HGSNAT: variants seen among roughly 807,000 people sequenced by gnomAD.
The protein encoded by HGSNAT is transmembrane protein 76.
In HGSNAT, 59 loss-of-function variants were observed where a neutral mutation model predicts 85.2. The ratio of observed to expected loss-of-function variants is 0.69; its 90% CI spans 0.56 to 0.86. The LOEUF is 0.86. Among genes scored for constraint, HGSNAT ranks in the 40% least tolerant of loss-of-function variants. The pLI, the probability that HGSNAT is intolerant of heterozygous loss-of-function variation, is 0.00. For synonymous variants in HGSNAT, 321 were observed against 304.5 expected (o/e 1.05, Z -0.56); for missense variants, 756 against 777.1 (o/e 0.97, Z 0.32).
At chr8:43,175,856 C>G (rs542996737) in intron 9 of HGSNAT, among the ~76,000 whole-genome samples, 1 of 151,934 alleles carries the variant, frequency 6.6e-6, no homozygotes, top group Non-Finnish European at 1.5e-5. Flanking sequence ...CGTGAGCCAC[C>G]GAGCCCGGCC....
intron 16 of HGSNAT, 39 bp downstream of exon 16, chr8:43,197,781 C>G (rs1466928650): frequency 3.1e-6 from 5 of 1,598,298 alleles, no homozygotes; most frequent in Admixed American, 3.3e-5. Flanking sequence ...GATGACTGTT[C>G]ATGCTGAAAT....
At chr8:43,189,658 T>G (rs1023537697) in intron 11 of HGSNAT, among the ~76,000 whole-genome samples, 7 of 152,176 alleles carry the variant, frequency 4.6e-5, no homozygotes, top group African/African-American at 1.7e-4. Flanking sequence ...GGTACCTCAG[T>G]TGGAAATGCA....
At chr8:43,172,223 C>T in intron 7 of HGSNAT, 87 bp from the exon 8 acceptor site, 1 of 901,232 alleles carries the variant, frequency 1.1e-6, no homozygotes, top group Non-Finnish European at 1.9e-6. Flanking sequence ...CATGATTGCA[C>T]CTTGTGAGTA....
At chr8:43,182,387 C>A in intron 11 of HGSNAT, 127 bp downstream of exon 11, 1 of 809,996 alleles carries the variant, frequency 1.2e-6, no homozygotes, top group Non-Finnish European at 2.1e-6. Context: ...ATCCTCCTGC[C>A]TTGGCCACCC....
intron 13 of HGSNAT, 24 bp downstream of exon 13, chr8:43,192,454 A>T (rs777381711): frequency 2.5e-6 from 4 of 1,590,494 alleles, no homozygotes. Context: ...GAGTTCGCTT[A>T]GAACTGGAAC....
At chr8:43,168,272 TATTTGA>T (rs1803498364) in intron 5 of HGSNAT, among the ~76,000 whole-genome samples, 1 of 152,060 alleles carries the variant, frequency 6.6e-6, no homozygotes, top group Admixed American at 6.6e-5. Flanking sequence ...GTACATTAAC[TATTTGA>T]ATCACCCCAA....
At chr8:43,196,867 G>A (rs1249011153) in intron 14 of HGSNAT, 81 bp from the exon 15 acceptor site, 3 of 858,810 alleles carry the variant, frequency 3.5e-6, no homozygotes, top group Non-Finnish European at 5.8e-6. Flanking sequence ...CTCTTTGTCA[G>A]GTAGTTAAGA....
At chr8:43,192,161 C>T in intron 12 of HGSNAT, 143 bp from the exon 13 acceptor site, 1 of 830,060 alleles carries the variant, frequency 1.2e-6, no homozygotes, top group Non-Finnish European at 1.8e-6. Flanking sequence ...TTCCTGACCT[C>T]AGGTGATCTG....
At chr8:43,192,259 C>A (rs765377402) in intron 12 of HGSNAT, 45 bp from the exon 13 acceptor site, 1 of 1,574,222 alleles carries the variant, frequency 6.4e-7, no homozygotes, top group South Asian at 1.2e-5. Flanking sequence ...CCTCTGTTCG[C>A]CCTTATGAGG....
chr8:43,188,143 G>A (rs1804387601), intron 11 of HGSNAT, among the ~76,000 whole-genome samples: 5 of 152,154 alleles, frequency 3.3e-5, no homozygotes, highest in Admixed American at 3.3e-4. Flanking sequence ...TTCTTGAGGA[G>A]TATCTTTGTG....
intron 8 of HGSNAT, among the ~76,000 whole-genome samples, chr8:43,172,869 A>G (rs1803675427): frequency 6.6e-6 from 1 of 152,222 alleles, no homozygotes; most frequent in Admixed American, 6.5e-5. Context: ...CTTCTTAAAC[A>G]TAACAAACGT....
At chr8:43,165,768 C>G (rs1037224067) in intron 5 of HGSNAT, among the ~76,000 whole-genome samples, 7 of 152,134 alleles carry the variant, frequency 4.6e-5, no homozygotes, top group African/African-American at 1.7e-4. Flanking sequence ...AAAACCCCAT[C>G]TCTACTAAAA....
intron 5 of HGSNAT, among the ~76,000 whole-genome samples, chr8:43,168,624 T>C (rs1045488079): frequency 5.9e-5 from 9 of 152,034 alleles, no homozygotes; most frequent in African/African-American, 2.2e-4. Flanking sequence ...CTCGAACTCC[T>C]GACCTCAAGT....
At chr8:43,197,232 G>T in intron 15 of HGSNAT, 1 of 590,174 alleles carries the variant, frequency 1.7e-6, no homozygotes, top group Non-Finnish European at 3.0e-6. Flanking sequence ...TATCAATAAG[G>T]CAGTGTTTGC....
At chr8:43,170,205 G>A (rs1803569542) in intron 6 of HGSNAT, among the ~76,000 whole-genome samples, 1 of 152,146 alleles carries the variant, frequency 6.6e-6, no homozygotes, top group Non-Finnish European at 1.5e-5. Context: ...ATTGATGCCG[G>A]TTGCGGTGAC....
intron 1 of HGSNAT, among the ~76,000 whole-genome samples, chr8:43,145,475 C>T (rs1362112792): frequency 2.0e-5 from 3 of 152,020 alleles, no homozygotes; most frequent in South Asian, 2.1e-4. Context: ...GATTGAGGCC[C>T]GGCACAGTGG....
chr8:43,182,119 C>A (rs1200150689), intron 10 of HGSNAT, 26 bp from the exon 11 acceptor site: 1 of 1,569,080 alleles, frequency 6.4e-7, no homozygotes, highest in Admixed American at 1.7e-5. Flanking sequence ...CTGGCTAACA[C>A]TTGACCTAAC....
intron 14 of HGSNAT, chr8:43,195,740 GGAGGAA>G (rs373629112): frequency 2.8e-4 from 13 of 46,464 alleles, no homozygotes; most frequent in African/African-American, 6.2e-4. Flanking sequence ...TAGAGGAAGA[GGAGGAA>G]GAGGAGGAGG....
chr8:43,162,438 C>G (rs1563363345), intron 5 of HGSNAT, among the ~76,000 whole-genome samples: 1 of 152,168 alleles, frequency 6.6e-6, no homozygotes, highest in Non-Finnish European at 1.5e-5. Context: ...GAGGAAGATT[C>G]TAGCAGTGGA....
Sources: allele counts gnomAD v4.1 joint callset (sites outside exome capture counted in the v4.1 genomes callset), GRCh38; gene constraint gnomAD v4.1.1; transcripts MANE v1.5; gene names NCBI Gene and HGNC (gene_info 2026-07-23, HGNC 2026-07-21).